The following FTO variants were observed in gnomAD, a reference collection of about 807,000 sequenced individuals.
FTO encodes FTO alpha-ketoglutarate dependent dioxygenase.
A neutral mutation model predicts 63.9 loss-of-function variants in FTO; 47 were observed. The observed-to-expected ratio is 0.74, with a 90% CI of 0.58 to 0.94. FTO has a LOEUF of 0.94. Among genes scored for constraint, FTO ranks in the 40% least tolerant of loss-of-function variants. The pLI is 0.00. For synonymous variants in FTO, 207 were observed against 224.4 expected, an observed-to-expected ratio of 0.92 and a Z score of 0.69; for missense variants, 562 against 618.1, an observed-to-expected ratio of 0.91 and a Z score of 0.96.
chr16:53,835,326 C>A (rs2079258997), intron 3 of FTO, among the ~76,000 whole-genome samples: 2 of 152,234 alleles, frequency 1.3e-5, no homozygotes, highest in South Asian at 4.1e-4. Flanking sequence ...TGCATCCTGG[C>A]CTTGCTCTTT....
At chr16:53,833,155 C>T (rs2079189549) in intron 3 of FTO, among the ~76,000 whole-genome samples, 1 of 152,206 alleles carries the variant, frequency 6.6e-6, no homozygotes, top group South Asian at 2.1e-4. Flanking sequence ...GCTTTTGCTT[C>T]CTCCTCATTT....
chr16:54,013,719 A>C (rs577173860), intron 8 of FTO, among the ~76,000 whole-genome samples: 1 of 152,238 alleles, frequency 6.6e-6, no homozygotes, highest in Non-Finnish European at 1.5e-5. Flanking sequence ...GATAATTGTT[A>C]GCATTTTTTA....
chr16:53,914,034 G>T (rs985694717), intron 7 of FTO, among the ~76,000 whole-genome samples: 7 of 151,618 alleles, frequency 4.6e-5, no homozygotes, highest in African/African-American at 1.7e-4. Context: ...CAGTCCCTCG[G>T]CCTTCTCGCA....
intron 2 of FTO, among the ~76,000 whole-genome samples, chr16:53,812,594 A>G (rs539130334): frequency 1.3e-5 from 2 of 152,286 alleles, no homozygotes; most frequent in South Asian, 4.1e-4. Flanking sequence ...CCGGGTACCT[A>G]TCAGGTGCTG....
chr16:53,708,165 A>G (rs1276958325), intron 1 of FTO, among the ~76,000 whole-genome samples: 1 of 152,176 alleles, frequency 6.6e-6, no homozygotes, highest in African/African-American at 2.4e-5. Flanking sequence ...ACTTAGATCA[A>G]GACCAGCCTG....
At chr16:53,976,887 G>A (rs1418212630) in intron 8 of FTO, among the ~76,000 whole-genome samples, 1 of 151,926 alleles carries the variant, frequency 6.6e-6, no homozygotes, top group Non-Finnish European at 1.5e-5. Context: ...TATTAGTTCT[G>A]GTAGTTTTTC....
intron 4 of FTO, among the ~76,000 whole-genome samples, chr16:53,865,857 ATT>A (rs1192902009): frequency 2.0e-5 from 3 of 152,212 alleles, no homozygotes; most frequent in African/African-American, 7.2e-5. Flanking sequence ...ACATACTCTA[ATT>A]GTTTCCTTCT....
intron 8 of FTO, among the ~76,000 whole-genome samples, chr16:54,108,739 A>G (rs2086812532): frequency 6.6e-6 from 1 of 152,168 alleles, no homozygotes; most frequent in Non-Finnish European, 1.5e-5. Flanking sequence ...TCAACCCCAT[A>G]AGTAAGATAC....
chr16:53,935,810 T>C (rs2082377835), intron 8 of FTO: 1 of 152,244 alleles, frequency 6.6e-6, no homozygotes, highest in Non-Finnish European at 1.5e-5. Context: ...TAAGCATGTA[T>C]ATTCATTAAA....
intron 8 of FTO, among the ~76,000 whole-genome samples, chr16:53,958,910 C>T (rs996318254): frequency 6.6e-6 from 1 of 152,204 alleles, no homozygotes; most frequent in African/African-American, 2.4e-5. Flanking sequence ...GACAGGGTCT[C>T]TGCCCTCAGG....
At chr16:53,945,111 G>A (rs777681780) in intron 8 of FTO, among the ~76,000 whole-genome samples, 1 of 152,162 alleles carries the variant, frequency 6.6e-6, no homozygotes, top group African/African-American at 2.4e-5. Context: ...AGAAAGAAGC[G>A]ACTTGATCTC....
chr16:54,005,249 A>C (rs1297696598), intron 8 of FTO, among the ~76,000 whole-genome samples: 1 of 146,548 alleles, frequency 6.8e-6, no homozygotes, highest in East Asian at 2.0e-4. Context: ...TTTTTATTTT[A>C]TTTTATATTA....
intron 3 of FTO, among the ~76,000 whole-genome samples, chr16:53,829,993 G>A (rs1333288291): frequency 6.6e-6 from 1 of 152,160 alleles, no homozygotes; most frequent in Non-Finnish European, 1.5e-5. Context: ...AGATACAGAA[G>A]TGATTGCTTC....
At chr16:53,908,209 T>G (rs924657537) in intron 7 of FTO, among the ~76,000 whole-genome samples, 4 of 152,252 alleles carry the variant, frequency 2.6e-5, no homozygotes, top group Admixed American at 2.6e-4. Context: ...GGTCCTATTA[T>G]CTGCAATAAG....
chr16:53,760,205 G>GGTGTGTGTGTGT (rs1173270081), intron 1 of FTO, among the ~76,000 whole-genome samples: 3 of 125,594 alleles, frequency 2.4e-5, no homozygotes, highest in Admixed American at 1.7e-4. Flanking sequence ...CTTCAGCTTT[G>GGTGTGTGTGTGT]GTGTGTGTGT....
At chr16:53,949,711 A>C (rs186221718) in intron 8 of FTO, among the ~76,000 whole-genome samples, 87 of 152,218 alleles carry the variant, frequency 5.7e-4, no homozygotes, top group Middle Eastern at 3.4e-3. Flanking sequence ...AAAAAAAAAA[A>C]AAACCCAGTG....
At chr16:53,745,207 G>T (rs2076622392) in intron 1 of FTO, among the ~76,000 whole-genome samples, 1 of 152,194 alleles carries the variant, frequency 6.6e-6, no homozygotes, top group African/African-American at 2.4e-5. Context: ...GGTATCTAGT[G>T]TTATTCACAC....
At chr16:53,924,874 G>A (rs2082100568) in intron 7 of FTO, among the ~76,000 whole-genome samples, 1 of 152,124 alleles carries the variant, frequency 6.6e-6, no homozygotes, top group Non-Finnish European at 1.5e-5. Flanking sequence ...GAAATCTTTG[G>A]TGGTGCCCAG....
intron 8 of FTO, among the ~76,000 whole-genome samples, chr16:54,002,261 C>A (rs2084085411): frequency 6.6e-6 from 1 of 152,188 alleles, no homozygotes; most frequent in Non-Finnish European, 1.5e-5. Flanking sequence ...CTCAAGTGAT[C>A]CTCCGACCTC....
Sources: allele counts gnomAD v4.1 joint callset (sites outside exome capture counted in the v4.1 genomes callset), GRCh38; gene constraint gnomAD v4.1.1; transcripts MANE v1.5; gene names NCBI Gene and HGNC (gene_info 2026-07-23, HGNC 2026-07-21).